The following LAMC1 variants were observed in gnomAD, a reference collection of about 807,000 sequenced individuals.
LAMC1 encodes laminin subunit gamma-1.
LAMC1 carries 38 observed loss-of-function variants against 173.6 expected under a neutral mutation model. That is an observed-to-expected ratio of 0.22 (90% CI 0.17 to 0.29). LAMC1 has a LOEUF of 0.29. LAMC1 is among the 10% of genes least tolerant of loss of function. LAMC1 has a pLI of 1.00. For missense variants in LAMC1, 1,824 were observed against 2,051.8 expected (o/e 0.89, Z 2.14); for synonymous variants, 746 against 749.1 (o/e 1.00, Z 0.07).
intron 6 of LAMC1, 126 bp from the exon 7 acceptor site, chr1:183,116,451 T>C (rs1285899935): frequency 4.8e-6 from 3 of 623,488 alleles, no homozygotes; most frequent in Non-Finnish European, 8.3e-6. Flanking sequence ...CACTCCATCC[T>C]GGGCGACAGT....
chr1:183,023,952 A>G lies in LAMC1; in HGVS notation c.236A>G (p.Gln79Arg). 1 of 1,613,340 alleles carries G rather than the reference A, an allele frequency of 6.2e-7. No individual in the cohort carries two copies. The highest frequency in any genetic ancestry group is 8.5e-7 in the Non-Finnish European group (1 of 1,179,980). Reference protein sequence around the residue: ...CGTPPEEYCVQTGVTGVTKSC... With the variant: ...CGTPPEEYCVRTGVTGVTKSC... ...ACTCCGCCCGAGGAATACTGTGTGC[A>G]GACCGGGGTGACCGGGGTCACCAAG... The change falls in exon 1 of 28, where the codon CAG (glutamine) becomes CGG (arginine). Residue 79 changes from glutamine to arginine, a missense_variant. Physicochemically the swap from Gln to Arg is conservative, Grantham distance 43. Transcript: ENST00000258341.
chr1:183,120,594 T>C (rs1355889953), intron 11 of LAMC1, among the ~76,000 whole-genome samples: 1 of 152,176 alleles, frequency 6.6e-6, no homozygotes, highest in African/African-American at 2.4e-5. Flanking sequence ...TAGAGTGGAA[T>C]GGAGATTACA....
At chr1:183,081,589 TAAA>T (rs1655279137) in intron 1 of LAMC1, among the ~76,000 whole-genome samples, 3 of 151,212 alleles carry the variant, frequency 2.0e-5, no homozygotes, top group African/African-American at 7.3e-5. Flanking sequence ...AATAAATAAA[TAAA>T]TAAATAAATA....
chr1:183,139,219 A>T (rs1025209918), intron 26 of LAMC1, among the ~76,000 whole-genome samples: 3 of 152,226 alleles, frequency 2.0e-5, no homozygotes, highest in African/African-American at 7.2e-5. Flanking sequence ...GGGTGAAAGA[A>T]GATCTTTTAT....
intron 1 of LAMC1, among the ~76,000 whole-genome samples, chr1:183,084,585 C>T (rs747806921): frequency 1.3e-5 from 2 of 152,148 alleles, no homozygotes; most frequent in Non-Finnish European, 2.9e-5. Context: ...AAATGAAGTA[C>T]TTGGGAAGCT....
chr1:183,037,372 C>G (rs1407770930), intron 1 of LAMC1, among the ~76,000 whole-genome samples: 3 of 152,172 alleles, frequency 2.0e-5, no homozygotes, highest in African/African-American at 7.2e-5. Flanking sequence ...CTTTATCTGA[C>G]ATTATTAAAG....
At chr1:183,113,582 G>A (rs987754097) in intron 4 of LAMC1, among the ~76,000 whole-genome samples, 5 of 152,134 alleles carry the variant, frequency 3.3e-5, no homozygotes, top group African/African-American at 1.2e-4. Flanking sequence ...GTTGTGCCCT[G>A]CAGGGAATAT....
intron 1 of LAMC1, among the ~76,000 whole-genome samples, chr1:183,042,940 G>A (rs1254144503): frequency 6.6e-6 from 1 of 152,142 alleles, no homozygotes; most frequent in African/African-American, 2.4e-5. Context: ...GATGCTGATG[G>A]TGTTTACCTT....
intron 1 of LAMC1, among the ~76,000 whole-genome samples, chr1:183,061,377 T>TTTC (rs1654743250): frequency 6.6e-6 from 1 of 151,104 alleles, no homozygotes; most frequent in African/African-American, 2.4e-5. Flanking sequence ...GTTTTTTTTT[T>TTTC]CTTCCCCTAG....
intron 5 of LAMC1, 109 bp from the exon 6 acceptor site, chr1:183,115,411 C>T (rs1656288516): frequency 1.3e-6 from 1 of 750,588 alleles, no homozygotes; most frequent in Non-Finnish European, 2.3e-6. Flanking sequence ...AGATTGCATA[C>T]TGGTTCTCAG....
chr1:183,103,676 A>G (rs1169315082), intron 2 of LAMC1, 44 bp downstream of exon 2: 1 of 1,493,410 alleles, frequency 6.7e-7, no homozygotes, highest in African/African-American at 1.4e-5. Context: ...GTTCTACAAC[A>G]TGCGAGGTGT....
At chr1:183,102,040 G>C (rs1655847268) in intron 1 of LAMC1, among the ~76,000 whole-genome samples, 1 of 152,166 alleles carries the variant, frequency 6.6e-6, no homozygotes, top group Non-Finnish European at 1.5e-5. Context: ...ACAGCGGCAG[G>C]CCCCACCCCA....
chr1:183,133,487 C>G lies in LAMC1; in HGVS notation c.3786C>G (p.Asp1262Glu). Residue 1262 changes from aspartate to glutamate, a missense_variant, in exon 22 of 28, where the codon GAC (aspartate) becomes GAG (glutamate). Coordinates refer to ENST00000258341, the MANE Select transcript of LAMC1 (RefSeq NM_002293.4). ...RVHEEAKRAG[D>E]KAVEIYASVA... ...ATGAGGAGGCCAAAAGGGCCGGTGA[C>G]AAAGCTGTGGAGATCTATGCCAGCG... The G allele has an allele frequency of 6.2e-7, 1 of 1,614,080 alleles. No homozygotes were observed. The highest frequency in any genetic ancestry group is 1.3e-5 in the African/African-American group (1 of 75,040).
chr1:183,023,597 G>T lies in LAMC1; in HGVS notation c.-120G>T. 1 of 747,286 alleles carries T rather than the reference G, an allele frequency of 1.3e-6. No individual in the cohort carries two copies. The highest frequency in any genetic ancestry group is 1.7e-6 in the Non-Finnish European group (1 of 580,868). The allele number at this position is 747,286 out of a possible 1,614,324, so 46.3% of individuals were successfully genotyped here. On this transcript the variant is annotated 5_prime_UTR_variant, in exon 1 of 28. Coordinates refer to ENST00000258341, the MANE Select transcript of LAMC1 (RefSeq NM_002293.4). ...GCGAGCCGCCGCCACCGCCCGCGCC[G>T]GAGTCAGGCCCCTGGGCCCCCAGGC...
intron 13 of LAMC1, among the ~76,000 whole-genome samples, chr1:183,122,678 T>C (rs971870339): frequency 6.6e-6 from 1 of 152,158 alleles, no homozygotes; most frequent in Admixed American, 6.5e-5. Flanking sequence ...GACTGAGACC[T>C]GCATGCACTA....
chr1:183,125,066 C>T, intron 14 of LAMC1, 190 bp downstream of exon 14: 1 of 664,960 alleles, frequency 1.5e-6, no homozygotes, highest in Non-Finnish European at 2.5e-6. Flanking sequence ...TGGCTGACAC[C>T]TGTGGTCCTG....
chr1:183,042,326 T>C (rs1654157891), intron 1 of LAMC1, among the ~76,000 whole-genome samples: 2 of 152,088 alleles, frequency 1.3e-5, no homozygotes, highest in South Asian at 4.1e-4. Flanking sequence ...ATCTTAACAC[T>C]TGAAAATCTT....
intron 1 of LAMC1, among the ~76,000 whole-genome samples, chr1:183,075,081 G>C (rs1655091680): frequency 2.0e-5 from 3 of 149,738 alleles, no homozygotes; most frequent in Non-Finnish European, 4.4e-5. Flanking sequence ...ATTTGAGCAA[G>C]AATGAAAAAG....
At chr1:183,086,245 G>T (rs190293332) in intron 1 of LAMC1, among the ~76,000 whole-genome samples, 1 of 152,158 alleles carries the variant, frequency 6.6e-6, no homozygotes, top group Non-Finnish European at 1.5e-5. Context: ...TTATATGGCC[G>T]CGTTGCGATT....
Sources: allele counts gnomAD v4.1 joint callset (sites outside exome capture counted in the v4.1 genomes callset), GRCh38; gene constraint gnomAD v4.1.1; transcripts MANE v1.5; gene names NCBI Gene and HGNC (gene_info 2026-07-23, HGNC 2026-07-21).